Variants in SNX30 observed in about 807,000 individuals in gnomAD.
SNX30 encodes sorting nexin-30.
SNX30 carries 24 observed loss-of-function variants against 46.4 expected under a neutral mutation model. The ratio of observed to expected loss-of-function variants is 0.52; its 90% CI spans 0.37 to 0.73. The LOEUF is 0.73. Ranked by LOEUF, SNX30 falls within the 30% of genes least tolerant of loss-of-function variation. The pLI, the probability that SNX30 is intolerant of heterozygous loss-of-function variation, is 0.00. For synonymous variants in SNX30, 189 were observed against 211.5 expected (o/e 0.89, Z 0.92); for missense variants, 533 against 555.7 (o/e 0.96, Z 0.41).
At chr9:112,815,667 C>T (rs1017759108) in intron 2 of SNX30, among the ~76,000 whole-genome samples, 2 of 152,160 alleles carry the variant, frequency 1.3e-5, no homozygotes, top group Non-Finnish European at 2.9e-5. Context: ...AGCCAATAAT[C>T]GTGTAACATT....
chr9:112,794,946 C>T (rs547843488), intron 1 of SNX30, among the ~76,000 whole-genome samples: 1 of 152,212 alleles, frequency 6.6e-6, no homozygotes, highest in South Asian at 2.1e-4. Flanking sequence ...TGGTATTTTG[C>T]AACAATGGGG....
At chr9:112,796,507 G>T (rs543184200) in intron 1 of SNX30, among the ~76,000 whole-genome samples, 112 of 152,286 alleles carry the variant, frequency 7.4e-4, no homozygotes, top group South Asian at 3.3e-3. Context: ...CTGCAGTCAC[G>T]TCCACACTGA....
At chr9:112,853,636 T>G (rs189207960) in intron 7 of SNX30, among the ~76,000 whole-genome samples, 4 of 152,348 alleles carry the variant, frequency 2.6e-5, no homozygotes, top group Admixed American at 2.0e-4. Context: ...AATAACTGCA[T>G]GATTTGACTT....
intron 7 of SNX30, among the ~76,000 whole-genome samples, chr9:112,854,803 C>T (rs1044661467): frequency 3.9e-5 from 6 of 152,202 alleles, no homozygotes; most frequent in Non-Finnish European, 7.4e-5. Flanking sequence ...ACCCCAGCTG[C>T]GCCCTAGCTT....
chr9:112,861,820 T>G (rs937219781), intron 7 of SNX30, among the ~76,000 whole-genome samples: 4 of 152,220 alleles, frequency 2.6e-5, no homozygotes, highest in Non-Finnish European at 5.9e-5. Context: ...ATCTGTCATC[T>G]TTAAAGAGCC....
At chr9:112,830,700 G>A (rs758615140) in intron 3 of SNX30, 25 bp from the exon 4 acceptor site, 30 of 1,597,148 alleles carry the variant, frequency 1.9e-5, no homozygotes, top group Non-Finnish European at 2.5e-5. Flanking sequence ...CAATTACTCT[G>A]GTTTTTTTCT....
At chr9:112,755,306 C>G (rs541669389) in intron 1 of SNX30, among the ~76,000 whole-genome samples, 2 of 152,254 alleles carry the variant, frequency 1.3e-5, no homozygotes, top group Non-Finnish European at 2.9e-5. Context: ...CGGGGAGGGA[C>G]TGCCTGAAGC....
intron 1 of SNX30, among the ~76,000 whole-genome samples, chr9:112,773,084 T>G (rs1839678199): frequency 6.6e-6 from 1 of 152,142 alleles, no homozygotes; most frequent in South Asian, 2.1e-4. Flanking sequence ...GTAAAGAAGT[T>G]GAGAATTGTT....
At chr9:112,846,984 T>C (rs780757087) in intron 6 of SNX30, among the ~76,000 whole-genome samples, 1 of 152,200 alleles carries the variant, frequency 6.6e-6, no homozygotes, top group Non-Finnish European at 1.5e-5. Context: ...CTGTGGTCTT[T>C]TTTGGGACAA....
intron 1 of SNX30, among the ~76,000 whole-genome samples, chr9:112,796,412 AC>A (rs1339993884): frequency 2.0e-5 from 3 of 152,148 alleles, no homozygotes; most frequent in African/African-American, 7.2e-5. Flanking sequence ...AAATCCCCAG[AC>A]ACTGGGGTGT....
chr9:112,836,486 A>C, intron 5 of SNX30, 77 bp downstream of exon 5: 1 of 1,448,292 alleles, frequency 6.9e-7, no homozygotes, highest in Non-Finnish European at 9.4e-7. Flanking sequence ...GCTACAGAGA[A>C]TCAAACTGCA....
chr9:112,832,838 ATT>A (rs1255670933), intron 4 of SNX30, among the ~76,000 whole-genome samples: 4 of 146,938 alleles, frequency 2.7e-5, no homozygotes, highest in East Asian at 1.9e-4. Flanking sequence ...TAATAAATAT[ATT>A]AATATATAAT....
intron 1 of SNX30, among the ~76,000 whole-genome samples, chr9:112,764,781 C>T (rs951176894): frequency 1.3e-5 from 2 of 152,158 alleles, no homozygotes; most frequent in African/African-American, 4.8e-5. Flanking sequence ...ATCTAGCTTG[C>T]ATTAACTTAG....
At chr9:112,866,394 C>G (rs949132528) in intron 8 of SNX30, 1 of 468,312 alleles carries the variant, frequency 2.1e-6, no homozygotes, top group Non-Finnish European at 4.4e-6. Flanking sequence ...ACAACATACG[C>G]AAAGTCCCTG....
intron 1 of SNX30, among the ~76,000 whole-genome samples, chr9:112,768,459 C>A (rs1839581478): frequency 6.6e-6 from 1 of 152,088 alleles, no homozygotes; most frequent in Non-Finnish European, 1.5e-5. Flanking sequence ...GATTTGTATG[C>A]ACATTAAACA....
rs188591532 is a variant in SNX30, at chr9:112,849,827, A to G, written c.1015-1032A>G. ...CTGCTGGAAGGTCCCCTGTGGGGAAAGTGCATGATTAGAAACTTTCATAGC... is the reference window on the plus strand; with the variant it reads ...CTGCTGGAAGGTCCCCTGTGGGGAAGGTGCATGATTAGAAACTTTCATAGC... On this transcript the variant is annotated intron_variant, in intron 6 of 8. Transcript: ENST00000374232. Among the ~76,000 whole-genome samples the G allele has an allele frequency of 2.3e-4, 35 of 152,336 alleles. 1 individual carries two copies. The East Asian group carries it at 6.6e-3, about 29-fold the overall frequency.
At chr9:112,779,433 A>G (rs908151766) in intron 1 of SNX30, among the ~76,000 whole-genome samples, 2 of 152,156 alleles carry the variant, frequency 1.3e-5, no homozygotes, top group African/African-American at 4.8e-5. Flanking sequence ...ATGGTGGCGC[A>G]TGCCTGTAAT....
At chr9:112,868,645 A>G in intron 8 of SNX30, 139 bp from the exon 9 acceptor site, 1 of 807,372 alleles carries the variant, frequency 1.2e-6, no homozygotes, top group Non-Finnish European at 2.1e-6. Flanking sequence ...TGTAATAGTT[A>G]TGGATGACAC....
chr9:112,763,854 A>G (rs1839485448), intron 1 of SNX30, among the ~76,000 whole-genome samples: 1 of 152,086 alleles, frequency 6.6e-6, no homozygotes, highest in African/African-American at 2.4e-5. Flanking sequence ...ACTAAAAAAA[A>G]AAAAAAAAAA....
Sources: gnomAD v4.1 joint callset for allele counts (sites outside exome capture counted in the v4.1 genomes callset) on GRCh38, gnomAD v4.1.1 for gene constraint, MANE v1.5 for transcripts, NCBI Gene and HGNC (gene_info 2026-07-23, HGNC 2026-07-21) for gene names.